The following TUSC3 variants were observed in gnomAD, a reference collection of about 807,000 sequenced individuals.
TUSC3 encodes tumor suppressor candidate 3.
Under a neutral mutation model 44.8 loss-of-function variants are expected in TUSC3, and 45 were observed. That is an observed-to-expected ratio of 1.00 (90% CI 0.79 to 1.29). TUSC3 has a LOEUF of 1.29. TUSC3 is among the 50% of genes most tolerant of loss of function. TUSC3 has a pLI of 0.00. For missense variants in TUSC3, 519 were observed against 437.9 expected, an observed-to-expected ratio of 1.19 and a Z score of -1.65; for synonymous variants, 212 against 152.9, an observed-to-expected ratio of 1.39 and a Z score of -2.85.
intron 1 of TUSC3, among the ~76,000 whole-genome samples, chr8:15,440,982 GA>G (rs1156323466): frequency 6.6e-6 from 1 of 152,212 alleles, no homozygotes; most frequent in African/African-American, 2.4e-5. Context: ...AGAGGTGCTG[GA>G]GGCAAGTACT....
chr8:15,514,472 A>C (rs1191190457), intron 2 of TUSC3, among the ~76,000 whole-genome samples: 1 of 152,238 alleles, frequency 6.6e-6, no homozygotes, highest in Non-Finnish European at 1.5e-5. Context: ...AATTTGAAGT[A>C]TAAAAACCAA....
At chr8:15,463,816 A>G (rs1800379555) in intron 1 of TUSC3, among the ~76,000 whole-genome samples, 2 of 152,160 alleles carry the variant, frequency 1.3e-5, no homozygotes, top group South Asian at 4.1e-4. Flanking sequence ...AGCAATTTAT[A>G]CTCATTTCTG....
the TUSC3 span, among the ~76,000 whole-genome samples, chr8:15,826,497 A>G: frequency 0.028 from 4,220 of 152,308 alleles, 94 homozygotes; most frequent in Middle Eastern, 0.051. Flanking sequence ...TAGAGAAAAC[A>G]CTACTCACCT....
At chr8:15,566,743 T>C (rs7813513) in intron 1 of TUSC3, among the ~76,000 whole-genome samples, 83,995 of 151,548 alleles carry the variant, frequency 0.55, 23,642 homozygotes, top group East Asian at 0.62. Flanking sequence ...CCCGCGTTAG[T>C]CTCCTAAGTA....
chr8:15,497,129 G>C (rs1322496153), intron 2 of TUSC3, among the ~76,000 whole-genome samples: 1 of 152,110 alleles, frequency 6.6e-6, no homozygotes, highest in African/African-American at 2.4e-5. Flanking sequence ...AGGAATAAAA[G>C]GTATGGTGGT....
chr8:15,518,984 C>T (rs1286039682), intron 2 of TUSC3, among the ~76,000 whole-genome samples: 1 of 152,112 alleles, frequency 6.6e-6, no homozygotes, highest in East Asian at 1.9e-4. Context: ...TATATTAAAT[C>T]TCTGTATGCA....
intron 6 of TUSC3, among the ~76,000 whole-genome samples, chr8:15,706,945 A>C (rs1245686422): frequency 6.6e-6 from 1 of 151,984 alleles, no homozygotes; most frequent in African/African-American, 2.4e-5. Flanking sequence ...AAAACTGATA[A>C]TTAGGAAAAT....
At chr8:15,708,699 TTAA>T (rs1421695722) in intron 6 of TUSC3, among the ~76,000 whole-genome samples, 2 of 151,938 alleles carry the variant, frequency 1.3e-5, no homozygotes, top group Admixed American at 1.3e-4. Context: ...CAACGTTTAT[TTAA>T]TAATGCTTTC....
chr8:15,675,319 A>T (rs1047172924), intron 6 of TUSC3, among the ~76,000 whole-genome samples: 5 of 151,808 alleles, frequency 3.3e-5, no homozygotes, highest in Admixed American at 6.6e-5. Context: ...TATAAAACAT[A>T]TTAAGGCATT....
the TUSC3 span, among the ~76,000 whole-genome samples, chr8:15,817,088 C>A: frequency 2.0e-5 from 3 of 152,072 alleles, no homozygotes; most frequent in Admixed American, 6.6e-5. Context: ...ACAGTCTGGT[C>A]GTTATCTAAA....
chr8:15,814,171 T>C, the TUSC3 span, among the ~76,000 whole-genome samples: 34 of 152,266 alleles, frequency 2.2e-4, no homozygotes, highest in Non-Finnish European at 4.1e-4. Context: ...AATGAAGAGA[T>C]TAAGAACTCA....
intron 1 of TUSC3, among the ~76,000 whole-genome samples, chr8:15,458,573 AT>A (rs1800295137): frequency 6.6e-6 from 1 of 152,172 alleles, no homozygotes; most frequent in Non-Finnish European, 1.5e-5. Context: ...AACGTGTTAA[AT>A]AAAAGCAGGC....
chr8:15,830,248 G>C, the TUSC3 span, among the ~76,000 whole-genome samples: 1 of 151,956 alleles, frequency 6.6e-6, no homozygotes, highest in South Asian at 2.1e-4. Flanking sequence ...TAGGTTGTCT[G>C]CTTATTCTGT....
chr8:15,709,554 A>G (rs1170018791), intron 6 of TUSC3, among the ~76,000 whole-genome samples: 1 of 151,864 alleles, frequency 6.6e-6, no homozygotes. Context: ...CCATTGAGCC[A>G]TTTATATACT....
At chr8:15,693,285 G>A (rs1043631078) in intron 6 of TUSC3, among the ~76,000 whole-genome samples, 5 of 152,100 alleles carry the variant, frequency 3.3e-5, no homozygotes, top group African/African-American at 1.2e-4. Flanking sequence ...TTTTATAGTG[G>A]CCAGTAACAG....
intron 5 of TUSC3, among the ~76,000 whole-genome samples, chr8:15,668,817 T>A (rs1230595050): frequency 6.6e-6 from 1 of 151,780 alleles, no homozygotes; most frequent in Non-Finnish European, 1.5e-5. Flanking sequence ...GAACCATTTA[T>A]GATGCTGTAT....
At chr8:15,590,996 G>T (rs1413364102) in intron 1 of TUSC3, among the ~76,000 whole-genome samples, 1 of 152,116 alleles carries the variant, frequency 6.6e-6, no homozygotes, top group South Asian at 2.1e-4. Flanking sequence ...TGCCAGATCT[G>T]ATATAAAGAA....
chr8:15,765,011 T>C lies in TUSC3; in HGVS notation c.*855T>C, dbSNP rs1053277421. ...CAGCTTTCCATCAAATCCTCAATCT[T>C]TGAATCCAGGTAAAAGGTTAATTAT... On this transcript the variant is annotated 3_prime_UTR_variant, in exon 11 of 11. Coordinates refer to ENST00000503731, the MANE Select transcript of TUSC3 (RefSeq NM_006765.4). The C allele has an allele frequency of 6.6e-6, 1 of 152,006 alleles. No homozygotes were observed. Among genetic ancestry groups the C allele is most frequent in the African/African-American group, 2.4e-5 (1 of 41,428 alleles). The allele number at this position is 152,006 out of a possible 1,614,324, so 9.4% of individuals were successfully genotyped here.
chr8:15,729,258 T>C (rs866747594), intron 6 of TUSC3, among the ~76,000 whole-genome samples: 3 of 152,162 alleles, frequency 2.0e-5, no homozygotes, highest in South Asian at 2.1e-4. Context: ...TTAATTAAAG[T>C]TTTTACAAAG....
Sources: gnomAD v4.1 joint callset for allele counts (sites outside exome capture counted in the v4.1 genomes callset) on GRCh38, gnomAD v4.1.1 for gene constraint, MANE v1.5 for transcripts, NCBI Gene and HGNC (gene_info 2026-07-23, HGNC 2026-07-21) for gene names.